CLCN7: variants seen among roughly 807,000 people sequenced by gnomAD.
The protein encoded by CLCN7 is H(+)/Cl(-) exchange transporter 7.
Under a neutral mutation model 102.1 loss-of-function variants are expected in CLCN7, and 60 were observed. The observed-to-expected ratio is 0.59, with a 90% confidence interval of 0.48 to 0.73. The LOEUF is 0.73. CLCN7 is among the 30% of genes least tolerant of loss of function. The pLI, the probability that CLCN7 is intolerant of heterozygous loss-of-function variation, is 0.00. For synonymous variants in CLCN7, 560 were observed against 490.5 expected (o/e 1.14, Z -1.87); for missense variants, 962 against 1,125.7 (o/e 0.85, Z 2.08).
intron 1 of CLCN7, chr16:1,471,634 A>G (rs2039079140): frequency 6.6e-6 from 1 of 152,212 alleles, no homozygotes; most frequent in African/African-American, 2.4e-5. Context: ...GTTTCTTCAG[A>G]GCGTAGTTTG....
rs2744994 is a variant in CLCN7, at chr16:1,461,551, G to A, written c.285+52C>T. ...GGGCACAGGGGACCGGGAGTGGGCTGGCAGGGGGCAGAGGCCGGGTCTCAG... is the reference window on the plus strand; with the variant it reads ...GGGCACAGGGGACCGGGAGTGGGCTAGCAGGGGGCAGAGGCCGGGTCTCAG... On this transcript the variant is annotated intron_variant, in intron 3 of 24. Transcript: ENST00000382745. 19 of 1,609,140 alleles carry A rather than the reference G, an allele frequency of 1.2e-5. No homozygotes were observed. The East Asian group carries it at 4.2e-4, about 36-fold the overall frequency.
At position 1,456,226 on chromosome 16, in the gene CLCN7, G is replaced by C. The variant is rs369553357; in HGVS notation, c.823-20C>G. 1.3e-6 allele frequency: 2 copies of C among 1,550,596 alleles called. No homozygotes were observed. Among genetic ancestry groups the C allele is most frequent in the Non-Finnish European group, 1.7e-6 (2 of 1,144,238 alleles). On this transcript the variant is annotated intron_variant, in intron 9 of 24. Transcript: ENST00000382745. ...GAAGATCTGCAACAGGGACAGACCA[G>C]GGTCGGGGCAGGTTCCTTGAGGGCA...
chr16:1,461,631 T>G lies in CLCN7; in HGVS notation c.257A>C (p.Asn86Thr), dbSNP rs771534408. 6.2e-7 allele frequency: 1 copy of G among 1,614,098 alleles called. No homozygotes were observed. The highest frequency in any genetic ancestry group is 1.1e-5 in the South Asian group (1 of 91,064). Residue 86 changes from asparagine to threonine, a missense_variant, in exon 3 of 25, where the codon AAC (asparagine) becomes ACC (threonine). Asn to Thr is a moderately conservative substitution (Grantham distance 65). Coordinates refer to ENST00000382745, the MANE Select transcript of CLCN7 (RefSeq NM_001287.6). ...PHPFPKEIPH[N>T]EKLLSLKYES... is the part of the protein sequence containing the mutation. ...ATACTTGAGGGACAGGAGCTTCTCG[T>G]TGTGTGGGATCTCCTTGGGGAAGGG...
At position 1,459,206 on chromosome 16, in the gene CLCN7, G is replaced by A. The variant is rs368597389; in HGVS notation, c.595-19C>T. 302 of 1,609,078 alleles carry A rather than the reference G, an allele frequency of 1.9e-4. 3 individuals carry two copies. The highest frequency in any genetic ancestry group is 2.4e-4 in the African/African-American group (18 of 74,822). Reference sequence around the variant, plus strand: ...CCACCGGCTGAAAGAGGGGAAGCACGGCTGAGTGGGTCACGGCCAGGCTGA... The same window carrying A: ...CCACCGGCTGAAAGAGGGGAAGCACAGCTGAGTGGGTCACGGCCAGGCTGA... On this transcript the variant is annotated intron_variant, in intron 6 of 24. Transcript: ENST00000382745.
Position 1,455,325 on chromosome 16 carries a change from A to G in CLCN7, c.982-75T>C, listed in dbSNP as rs1212333941. On this transcript the variant is annotated intron_variant, in intron 11 of 24. Transcript: ENST00000382745. ...CAGGGCTCACGGACCAGCAGGGACC[A>G]TCGCCCCTCCTGTCAGCCCCGGGGC... 3 of 965,308 alleles carry G rather than the reference A, an allele frequency of 3.1e-6. No individual in the cohort carries two copies. The Admixed American group carries it at 5.1e-5, about 16-fold the overall frequency. The allele number at this position is 965,308 out of a possible 1,614,324, so 59.8% of individuals were successfully genotyped here. A position where few individuals can be genotyped will look rare whatever the true frequency, so the allele number is the denominator to read the frequency against.
chr16:1,469,453 A>C (rs1194654914), intron 1 of CLCN7, among the ~76,000 whole-genome samples: 1 of 152,140 alleles, frequency 6.6e-6, no homozygotes, highest in East Asian at 1.9e-4. Context: ...TGGGAGGCTG[A>C]GGCGGGCTGA....
At position 1,457,906 on chromosome 16, in the gene CLCN7, C is replaced by T; in HGVS notation, c.676-150G>A. On this transcript the variant is annotated intron_variant, in intron 7 of 24. Transcript: ENST00000382745. The surrounding 1 kb of genome is among the most constrained non-coding windows in gnomAD (Gnocchi z 5.4). ...GGGCCAGCACCCCCAGGCTGGGTCT[C>T]CCCATGGCCACAGTGGAGCTAAACA... 1 of 761,076 alleles carries T rather than the reference C, an allele frequency of 1.3e-6. No homozygotes were observed. Among genetic ancestry groups the T allele is most frequent in the Admixed American group, 2.0e-5 (1 of 49,856 alleles). 47.1% of individuals were successfully genotyped at this position (761,076 alleles called of 1,614,324 possible).
Position 1,457,240 on chromosome 16 carries a change from A to G in CLCN7, c.822+14T>C. The stretch of plus-strand genomic sequence containing the variant: ...ATGGCATCTGGAGCCCACCCACACA[A>G]GATTTCAACTCACCTTGAAATCTCG... On this transcript the variant is annotated intron_variant, in intron 9 of 24. Transcript: ENST00000382745. The surrounding 1 kb of genome is among the most constrained non-coding windows in gnomAD (Gnocchi z 5.4). 1 of 1,613,194 alleles carries G rather than the reference A, an allele frequency of 6.2e-7. No individual in the cohort carries two copies. Among genetic ancestry groups the G allele is most frequent in the African/African-American group, 1.3e-5 (1 of 75,048 alleles).
chr16:1,459,954 A>G (rs905681730), intron 6 of CLCN7, among the ~76,000 whole-genome samples: 11 of 133,658 alleles, frequency 8.2e-5, no homozygotes, highest in Non-Finnish European at 1.6e-4. Context: ...AGCAGCACAC[A>G]CTTCGGGGCC....
chr16:1,457,886 A>G lies in CLCN7; in HGVS notation c.676-130T>C. 2 of 874,304 alleles carry G rather than the reference A, an allele frequency of 2.3e-6. No individual in the cohort carries two copies. Among genetic ancestry groups the G allele is most frequent in the Non-Finnish European group, 3.7e-6 (2 of 537,424 alleles). The allele number at this position is 874,304 out of a possible 1,614,324, so 54.2% of individuals were successfully genotyped here. ...GACACGGGGCCTCCGGGAGGGGGCC[A>G]GCACCCCCAGGCTGGGTCTCCCCAT... On this transcript the variant is annotated intron_variant, in intron 7 of 24. Coordinates refer to ENST00000382745, the MANE Select transcript of CLCN7 (RefSeq NM_001287.6). This position sits in a 1 kb window ranked among gnomAD's most constrained non-coding sequence, Gnocchi z 5.4.
intron 2 of CLCN7, among the ~76,000 whole-genome samples, chr16:1,464,452 T>C (rs1478457452): frequency 6.6e-6 from 1 of 152,250 alleles, no homozygotes; most frequent in Non-Finnish European, 1.5e-5. Context: ...TCCGAAGGCC[T>C]TGTGGCTCCA....
chr16:1,474,524 G>A (rs1401832355), intron 1 of CLCN7, among the ~76,000 whole-genome samples: 1 of 152,264 alleles, frequency 6.6e-6, no homozygotes, highest in Non-Finnish European at 1.5e-5. Context: ...GGACACCGGA[G>A]GGAATGAACG....
chr16:1,452,995 G>A (rs2038778023), intron 14 of CLCN7, 102 bp from the exon 15 acceptor site: 2 of 1,475,628 alleles, frequency 1.4e-6, no homozygotes, highest in African/African-American at 2.8e-5. Flanking sequence ...CTGGGCCCGT[G>A]GTGCTTTTTG....
rs768706755 is a variant in CLCN7 at position 1,447,606 on chromosome 16, G to C, written c.2074-38C>G. 5 of 1,551,648 alleles carry C rather than the reference G, an allele frequency of 3.2e-6. No individual in the cohort carries two copies. The South Asian group carries it at 5.9e-5, about 18-fold the overall frequency. Reference sequence around the variant, plus strand: ...GAGCCCTGTGTCAGGCACCCAGGCAGCACCCCCGGGGCCCCCACCCGCCCA... The same window carrying C: ...GAGCCCTGTGTCAGGCACCCAGGCACCACCCCCGGGGCCCCCACCCGCCCA... On this transcript the variant is annotated intron_variant, in intron 22 of 24. Transcript: ENST00000382745.
Position 1,453,832 on chromosome 16 carries a change from A to G in CLCN7, c.1214+2T>C. On this transcript the variant is annotated splice_donor_variant, in intron 14 of 24. Transcript: ENST00000382745. LOFTEE classifies it high-confidence loss of function. ...GCGATATGCAATGCGGTTTCTCCTC[A>G]CCTGATTCGAAACATGGTCAGCCAG... 1 of 1,613,250 alleles carries G rather than the reference A, an allele frequency of 6.2e-7. No individual in the cohort carries two copies. The highest frequency in any genetic ancestry group is 8.5e-7 in the Non-Finnish European group (1 of 1,179,952).
At chr16:1,450,202 G>C in intron 17 of CLCN7, 1 of 467,670 alleles carries the variant, frequency 2.1e-6, no homozygotes, top group East Asian at 4.0e-5. Flanking sequence ...CTCTGCAGCA[G>C]CCCACAATCA....
intron 15 of CLCN7, chr16:1,452,430 G>A (rs1449204581): frequency 2.5e-6 from 1 of 397,256 alleles, no homozygotes; most frequent in Admixed American, 3.9e-5. Flanking sequence ...GTTGTGGACG[G>A]AGGTTTGCAT....
chr16:1,452,999 C>G, intron 14 of CLCN7, 106 bp from the exon 15 acceptor site: 1 of 1,468,908 alleles, frequency 6.8e-7, no homozygotes, highest in African/African-American at 1.4e-5. Context: ...GCCCGTGGTG[C>G]TTTTTGTTTG....
At chr16:1,470,092 G>A (rs2039056515) in intron 1 of CLCN7, among the ~76,000 whole-genome samples, 1 of 152,248 alleles carries the variant, frequency 6.6e-6, no homozygotes, top group African/African-American at 2.4e-5. Flanking sequence ...AGTTTGGCAA[G>A]GAATGGGTTG....
Sources: gnomAD v4.1 joint callset for allele counts (sites outside exome capture counted in the v4.1 genomes callset) on GRCh38, gnomAD v4.1.1 for gene constraint, Gnocchi (gnomAD v3.1) non-coding constraint, MANE v1.5 for transcripts, NCBI Gene and HGNC (gene_info 2026-07-23, HGNC 2026-07-21) for gene names.